The following ENDOD1 variants were observed in gnomAD, a reference collection of about 807,000 sequenced individuals.
ENDOD1 encodes the protein endonuclease domain containing 1, also known as endonuclease domain-containing 1 protein.
In ENDOD1, 9 loss-of-function variants were observed where a neutral mutation model predicts 6.5. That is an observed-to-expected ratio of 1.39 (90% CI 0.84 to 2.43). The LOEUF (loss-of-function observed/expected upper bound fraction) is 2.43, where lower values mean the gene tolerates loss of function less well. Ranked by LOEUF, ENDOD1 falls within the 30% of genes most tolerant of loss-of-function variation. The probability of loss-of-function intolerance (pLI) is 0.00; values close to 1 mark genes in which losing one functional copy is unlikely to be tolerated. For missense variants in ENDOD1, 648 were observed against 635.5 expected (o/e 1.02, Z -0.21); for synonymous variants, 255 against 255.2 (o/e 1.00, Z 0.01).
intron 1 of ENDOD1, among the ~76,000 whole-genome samples, chr11:95,112,837 T>C (rs542721216): frequency 1.2e-3 from 180 of 152,338 alleles, no homozygotes; most frequent in African/African-American, 4.0e-3. Context: ...CTTTTGATTT[T>C]CTGTTTAAGT....
At chr11:95,121,682 T>C (rs1032285169) in intron 1 of ENDOD1, among the ~76,000 whole-genome samples, 1 of 152,232 alleles carries the variant, frequency 6.6e-6, no homozygotes, top group Non-Finnish European at 1.5e-5. Flanking sequence ...CTGTCTGATA[T>C]AAGGAAACAG....
chr11:95,122,250 T>C (rs1859268560), intron 1 of ENDOD1, among the ~76,000 whole-genome samples: 1 of 152,060 alleles, frequency 6.6e-6, no homozygotes, highest in Non-Finnish European at 1.5e-5. Flanking sequence ...TGAGACAGAG[T>C]CTTGCTCTGT....
intron 1 of ENDOD1, among the ~76,000 whole-genome samples, chr11:95,113,444 C>T (rs1414893084): frequency 6.6e-6 from 1 of 152,130 alleles, no homozygotes; most frequent in Admixed American, 6.6e-5. Flanking sequence ...TCTCTAACTC[C>T]ATGAGTTCAA....
At chr11:95,117,942 G>C (rs144969445) in intron 1 of ENDOD1, among the ~76,000 whole-genome samples, 2,402 of 151,702 alleles carry the variant, frequency 0.016, 62 homozygotes, top group African/African-American at 0.055. Context: ...TTTTTGATTT[G>C]AGGTTACCAT....
intron 1 of ENDOD1, among the ~76,000 whole-genome samples, chr11:95,121,750 T>C (rs990846759): frequency 2.0e-5 from 3 of 152,214 alleles, no homozygotes; most frequent in African/African-American, 7.2e-5. Flanking sequence ...GAATTTATTG[T>C]AAGATTATTT....
At chr11:95,096,816 T>TA (rs1247178623) in intron 1 of ENDOD1, among the ~76,000 whole-genome samples, 1 of 152,188 alleles carries the variant, frequency 6.6e-6, no homozygotes, top group Non-Finnish European at 1.5e-5. Context: ...CAAAAATACC[T>TA]ACTCTCATAG....
At chr11:95,112,095 C>CT (rs1377072074) in intron 1 of ENDOD1, among the ~76,000 whole-genome samples, 1 of 152,162 alleles carries the variant, frequency 6.6e-6, no homozygotes, top group Non-Finnish European at 1.5e-5. Flanking sequence ...AGGCCTAGGC[C>CT]TTAACTTCAT....
intron 1 of ENDOD1, among the ~76,000 whole-genome samples, chr11:95,108,509 A>G (rs1422192533): frequency 1.3e-5 from 2 of 151,404 alleles, no homozygotes; most frequent in Non-Finnish European, 3.0e-5. Context: ...ACACACACAC[A>G]CACACACACA....
intron 1 of ENDOD1, among the ~76,000 whole-genome samples, chr11:95,114,165 C>G (rs1037817024): frequency 6.6e-6 from 1 of 152,190 alleles, no homozygotes; most frequent in Non-Finnish European, 1.5e-5. Flanking sequence ...GGCTCTCACT[C>G]TGATGCCCAG....
chr11:95,112,810 A>G (rs782043262), intron 1 of ENDOD1, among the ~76,000 whole-genome samples: 7 of 152,080 alleles, frequency 4.6e-5, no homozygotes, highest in African/African-American at 7.2e-5. Flanking sequence ...TATAAACTGG[A>G]TTATGCTGTT....
chr11:95,104,582 G>C (rs1183078735), intron 1 of ENDOD1, among the ~76,000 whole-genome samples: 1 of 152,128 alleles, frequency 6.6e-6, no homozygotes, highest in Non-Finnish European at 1.5e-5. Context: ...GGCCTTACTG[G>C]GTTCTCATAA....
intron 1 of ENDOD1, among the ~76,000 whole-genome samples, chr11:95,120,889 C>T (rs1032628764): frequency 1.3e-5 from 2 of 152,204 alleles, no homozygotes; most frequent in Non-Finnish European, 2.9e-5. Flanking sequence ...GTTTAATGCT[C>T]TCCCTCCGTG....
At chr11:95,097,514 T>A (rs1413189032) in intron 1 of ENDOD1, among the ~76,000 whole-genome samples, 2 of 152,212 alleles carry the variant, frequency 1.3e-5, no homozygotes, top group Non-Finnish European at 2.9e-5. Context: ...TAGATTCTTC[T>A]GAGCTATTTG....
At chr11:95,106,052 C>T (rs982731465) in intron 1 of ENDOD1, among the ~76,000 whole-genome samples, 1 of 152,172 alleles carries the variant, frequency 6.6e-6, no homozygotes, top group Admixed American at 6.5e-5. Flanking sequence ...CCTCTCTCTT[C>T]CCGCCTTCCC....
chr11:95,090,288 C>G (rs951409311), intron 1 of ENDOD1, 61 bp downstream of exon 1: 31 of 1,349,846 alleles, frequency 2.3e-5, no homozygotes, highest in South Asian at 1.4e-4. Context: ...CTGGACATGC[C>G]CCCAGTTGCA....
intron 1 of ENDOD1, among the ~76,000 whole-genome samples, chr11:95,124,967 C>G (rs541174828): frequency 3.9e-5 from 6 of 152,092 alleles, no homozygotes; most frequent in African/African-American, 4.8e-5. Context: ...TGCACGTTCT[C>G]TCTCATTTAC....
In ENDOD1 at chr11:95,108,494, A is replaced by AACACACACACACACACACACAC. The variant is rs34439162; in HGVS notation, c.300+18279_300+18300dup. On this transcript the variant is annotated intron_variant, in intron 1 of 1. Coordinates refer to ENST00000278505, the MANE Select transcript of ENDOD1 (RefSeq NM_015036.3). Reference sequence around the variant, plus strand: ...AAAAGCTCTGCATTTCTCTTTTCTAAACACACACACACACACACACACACA... The same window carrying AACACACACACACACACACACAC: ...AAAAGCTCTGCATTTCTCTTTTCTAAACACACACACACACACACACACACACACACACACACACACACACACA... 3.2e-3 allele frequency among the ~76,000 whole-genome samples: 464 copies of AACACACACACACACACACACAC among 146,488 alleles called. 3 individuals carry two copies. The highest frequency in any genetic ancestry group is 0.011 in the African/African-American group (420 of 39,186).
chr11:95,126,100 G>A (rs1859309732), intron 1 of ENDOD1, among the ~76,000 whole-genome samples: 1 of 152,184 alleles, frequency 6.6e-6, no homozygotes, highest in African/African-American at 2.4e-5. Flanking sequence ...AATGGGGGAA[G>A]GCATGGAGTG....
chr11:95,090,373 G>T, intron 1 of ENDOD1, 146 bp downstream of exon 1: 1 of 1,140,458 alleles, frequency 8.8e-7, no homozygotes, highest in Non-Finnish European at 1.1e-6. Flanking sequence ...CCGGGTTCCA[G>T]GTCCACCCTG....
Sources: allele counts gnomAD v4.1 joint callset (sites outside exome capture counted in the v4.1 genomes callset), GRCh38; gene constraint gnomAD v4.1.1; transcripts MANE v1.5; gene names NCBI Gene and HGNC (gene_info 2026-07-23, HGNC 2026-07-21).